The following KIAA1328 variants were observed in gnomAD, a reference collection of about 807,000 sequenced individuals.
KIAA1328 encodes the protein protein hinderin.
A neutral mutation model predicts 68.1 loss-of-function variants in KIAA1328; 52 were observed. The observed-to-expected ratio is 0.76, with a 90% confidence interval of 0.61 to 0.96. KIAA1328 has a LOEUF of 0.96. KIAA1328 is among the 40% of genes least tolerant of loss of function. The pLI is 0.00. For missense variants in KIAA1328, 641 were observed against 677.6 expected, an observed-to-expected ratio of 0.95 and a Z score of 0.60; for synonymous variants, 232 against 239.4, an observed-to-expected ratio of 0.97 and a Z score of 0.28.
intron 6 of KIAA1328, among the ~76,000 whole-genome samples, chr18:37,019,323 C>G (rs1251097937): frequency 6.6e-6 from 1 of 152,180 alleles, no homozygotes; most frequent in Non-Finnish European, 1.5e-5. Context: ...TCAGAGCTTG[C>G]TGCAGCCAAT....
intron 9 of KIAA1328, among the ~76,000 whole-genome samples, chr18:37,197,037 T>A (rs1359991979): frequency 6.6e-6 from 1 of 152,078 alleles, no homozygotes; most frequent in Non-Finnish European, 1.5e-5. Flanking sequence ...CAGGAACCTC[T>A]CTATTTCTTC....
At chr18:36,887,553 C>T (rs1290137159) in intron 5 of KIAA1328, among the ~76,000 whole-genome samples, 4 of 152,054 alleles carry the variant, frequency 2.6e-5, no homozygotes, top group African/African-American at 9.7e-5. Flanking sequence ...CTCCCTCTCC[C>T]TCTTTTTAAA....
intron 6 of KIAA1328, among the ~76,000 whole-genome samples, chr18:36,995,548 C>T (rs2053357625): frequency 1.3e-5 from 2 of 152,048 alleles, no homozygotes; most frequent in Non-Finnish European, 2.9e-5. Flanking sequence ...TAAAAATTTG[C>T]CAATTTTATC....
intron 6 of KIAA1328, among the ~76,000 whole-genome samples, chr18:37,022,667 G>A (rs1394005292): frequency 6.6e-6 from 1 of 152,088 alleles, no homozygotes; most frequent in South Asian, 2.1e-4. Flanking sequence ...ATTTTACATG[G>A]CTGTTTAAGG....
At chr18:36,840,382 G>A (rs1488515118) in intron 3 of KIAA1328, among the ~76,000 whole-genome samples, 1 of 151,806 alleles carries the variant, frequency 6.6e-6, no homozygotes, top group Non-Finnish European at 1.5e-5. Context: ...ATGTGTCTAT[G>A]TGTGCTTTTT....
chr18:37,114,102 A>T (rs560193520), intron 7 of KIAA1328, among the ~76,000 whole-genome samples: 2 of 152,324 alleles, frequency 1.3e-5, no homozygotes, highest in South Asian at 2.1e-4. Context: ...CAGATCAACG[A>T]GACAGAAAGT....
At chr18:36,887,706 T>C (rs992224147) in intron 5 of KIAA1328, among the ~76,000 whole-genome samples, 1 of 152,198 alleles carries the variant, frequency 6.6e-6, no homozygotes, top group African/African-American at 2.4e-5. Context: ...TTGTCCAAGT[T>C]ATGTAGTAGA....
chr18:37,164,083 G>A (rs1274267148), intron 8 of KIAA1328, among the ~76,000 whole-genome samples: 4 of 152,052 alleles, frequency 2.6e-5, no homozygotes, highest in African/African-American at 7.2e-5. Flanking sequence ...TCTCTAAAAT[G>A]GAAAGAAATT....
rs1266681689 is a variant in KIAA1328, at chr18:36,859,389, A to G, written c.332+15087A>G. Among the ~76,000 whole-genome samples, 3 of 148,824 alleles carry G rather than the reference A, an allele frequency of 2.0e-5. No homozygotes were observed. The East Asian group carries it at 5.9e-4, about 29-fold the overall frequency. On this transcript the variant is annotated intron_variant, in intron 4 of 9. Coordinates refer to ENST00000280020, the MANE Select transcript of KIAA1328 (RefSeq NM_020776.3). Reference sequence around the variant, plus strand: ...TATTATTGGATTTTTTTCAGTTTTCATATATATTGGCATAAAGTTGTTCAG... The same window carrying G: ...TATTATTGGATTTTTTTCAGTTTTCGTATATATTGGCATAAAGTTGTTCAG...
intron 7 of KIAA1328, among the ~76,000 whole-genome samples, chr18:37,070,378 C>T (rs1314217520): frequency 6.6e-6 from 1 of 152,142 alleles, no homozygotes; most frequent in Non-Finnish European, 1.5e-5. Flanking sequence ...TTTCTACCTA[C>T]TTCTATCAAT....
intron 5 of KIAA1328, among the ~76,000 whole-genome samples, chr18:36,926,259 C>G (rs1158284308): frequency 1.3e-5 from 2 of 152,124 alleles, no homozygotes; most frequent in Admixed American, 6.6e-5. Flanking sequence ...ATGCCTTCCT[C>G]AGCCTCCAGA....
intron 7 of KIAA1328, among the ~76,000 whole-genome samples, chr18:37,097,638 G>A (rs2057454780): frequency 6.6e-6 from 1 of 152,146 alleles, no homozygotes; most frequent in Non-Finnish European, 1.5e-5. Flanking sequence ...GATGGGAATG[G>A]CATTGAATCT....
intron 1 of KIAA1328, chr18:36,833,195 A>C (rs999524331): frequency 6.6e-6 from 1 of 152,198 alleles, no homozygotes; most frequent in East Asian, 1.9e-4. Context: ...AAAGAGGCAG[A>C]TAGTAGCGGG....
At chr18:36,985,343 GC>G (rs2052873885) in intron 6 of KIAA1328, among the ~76,000 whole-genome samples, 1 of 152,140 alleles carries the variant, frequency 6.6e-6, no homozygotes, top group Admixed American at 6.6e-5. Context: ...TTCTCAGCCA[GC>G]GTTTTTTGTA....
rs186044995 is a variant in KIAA1328, at chr18:37,146,772, C to T, written c.1233-13428C>T. 4.5e-4 allele frequency among the ~76,000 whole-genome samples: 69 copies of T among 152,282 alleles called. 1 individual carries two copies. Among genetic ancestry groups the T allele is most frequent in the African/African-American group, 1.2e-3 (51 of 41,556 alleles). ...ATAGTGTTAACGCTGTGCAACTTTA[C>T]GTAGAATGTAAGGCCTTTTTTATTG... On this transcript the variant is annotated intron_variant, in intron 7 of 9. Transcript: ENST00000280020.
rs146246835 is a variant in KIAA1328 at position 36,918,007 on chromosome 18, T to C, written c.448+32335T>C. 1.4e-3 allele frequency among the ~76,000 whole-genome samples: 210 copies of C among 152,240 alleles called. 1 individual carries two copies. Among genetic ancestry groups the C allele is most frequent in the African/African-American group, 4.8e-3 (199 of 41,554 alleles). The stretch of plus-strand genomic sequence containing the variant: ...TTTTTGTTTTTTTTAAGAGTTTTTA[T>C]GTCTAGAGCTCTAAGTTGTTTTCTA... On this transcript the variant is annotated intron_variant, in intron 5 of 9. Transcript: ENST00000280020.
intron 8 of KIAA1328, among the ~76,000 whole-genome samples, chr18:37,172,116 C>A (rs1424285398): frequency 6.6e-6 from 1 of 152,164 alleles, no homozygotes; most frequent in African/African-American, 2.4e-5. Context: ...GTCTGGTATT[C>A]CCAGCACTCC....
intron 6 of KIAA1328, among the ~76,000 whole-genome samples, chr18:37,042,283 T>C (rs920528598): frequency 1.3e-5 from 2 of 152,152 alleles, no homozygotes; most frequent in African/African-American, 4.8e-5. Context: ...AGAATACATA[T>C]ATACCTTTAC....
intron 4 of KIAA1328, among the ~76,000 whole-genome samples, chr18:36,865,141 A>G (rs535947266): frequency 1.0e-4 from 15 of 149,932 alleles, no homozygotes; most frequent in African/African-American, 3.7e-4. Context: ...GAACTTAGAG[A>G]TCATTCTTTT....
Sources: allele counts gnomAD v4.1 joint callset (sites outside exome capture counted in the v4.1 genomes callset), GRCh38; gene constraint gnomAD v4.1.1; transcripts MANE v1.5; gene names NCBI Gene and HGNC (gene_info 2026-07-23, HGNC 2026-07-21).